Variants in MYOM2 observed in about 807,000 individuals in gnomAD.
MYOM2 encodes the protein myomesin-2.
MYOM2 carries 254 observed loss-of-function variants against 187.6 expected under a neutral mutation model. That is an observed-to-expected ratio of 1.35 (90% CI 1.22 to 1.50). MYOM2 has a LOEUF of 1.50. Among genes scored for constraint, MYOM2 ranks in the 40% most tolerant of loss-of-function variants. The pLI is 0.00. For missense variants in MYOM2, 2,796 were observed against 1,924.0 expected, an observed-to-expected ratio of 1.45 and a Z score of -8.48; for synonymous variants, 981 against 753.8, an observed-to-expected ratio of 1.30 and a Z score of -4.94.
intron 13 of MYOM2, among the ~76,000 whole-genome samples, chr8:2,084,743 G>A (rs1190017690): frequency 6.6e-6 from 1 of 152,168 alleles, no homozygotes; most frequent in African/African-American, 2.4e-5. Flanking sequence ...CTGTGAATAT[G>A]GTACTGAGCT....
intron 13 of MYOM2, among the ~76,000 whole-genome samples, chr8:2,082,713 A>G (rs993768327): frequency 1.3e-5 from 2 of 152,180 alleles, no homozygotes; most frequent in African/African-American, 2.4e-5. Context: ...TTTTTACTCT[A>G]CTGTTCTACT....
intron 19 of MYOM2, chr8:2,100,616 G>T: frequency 2.1e-6 from 1 of 474,746 alleles, no homozygotes; most frequent in South Asian, 3.3e-5. Context: ...TGCTGGTCCC[G>T]AGAATGCAGT....
chr8:2,049,177 C>T (rs1818403819), intron 1 of MYOM2, among the ~76,000 whole-genome samples: 1 of 152,056 alleles, frequency 6.6e-6, no homozygotes, highest in South Asian at 2.1e-4. Context: ...ACGGCTGGGC[C>T]CTCCCAGGGT....
chr8:2,092,736 T>C (rs1283984805), intron 16 of MYOM2, among the ~76,000 whole-genome samples: 2 of 146,506 alleles, frequency 1.4e-5, no homozygotes, highest in Non-Finnish European at 3.0e-5. Context: ...GATTTATTTA[T>C]GGATGAAAGG....
chr8:2,062,887 C>T (rs941549706), intron 6 of MYOM2, among the ~76,000 whole-genome samples: 24 of 152,148 alleles, frequency 1.6e-4, no homozygotes, highest in African/African-American at 5.8e-4. Flanking sequence ...GTTGCGTTGA[C>T]ATCGGTGTTG....
At chr8:2,093,088 G>T (rs1333087889) in intron 16 of MYOM2, among the ~76,000 whole-genome samples, 1 of 152,130 alleles carries the variant, frequency 6.6e-6, no homozygotes, top group African/African-American at 2.4e-5. Context: ...AGGCTTCTCT[G>T]CGATACGCGT....
chr8:2,058,698 G>C (rs1347829367), intron 5 of MYOM2, among the ~76,000 whole-genome samples: 1 of 152,188 alleles, frequency 6.6e-6, no homozygotes, highest in Non-Finnish European at 1.5e-5. Flanking sequence ...AGGCTCGCCT[G>C]CTCTTGATGC....
rs1192804207 is a variant in MYOM2, at chr8:2,086,359, C to A, written c.1644+969C>A. ...CCCACTGTTGTGATCTCTGCGTGGC[C>A]TCCCACTGTTGTGATCTCTGCGTGG... is the stretch of plus-strand genomic sequence containing the variant. On this transcript the variant is annotated intron_variant, in intron 14 of 36. Coordinates refer to ENST00000262113, the MANE Select transcript of MYOM2 (RefSeq NM_003970.4). 7.2e-3 allele frequency among the ~76,000 whole-genome samples: 305 copies of A among 42,104 alleles called. 120 individuals are homozygous for A. The highest frequency in any genetic ancestry group is 0.027 in the African/African-American group (220 of 8,160). The allele number at this position is 42,104 out of a possible 152,430, so 27.6% of individuals were successfully genotyped here.
rs148851201 is a variant in MYOM2, at chr8:2,085,328, G to A, written c.1582G>A (p.Val528Ile). ...TTCCGAGATCAGCAGAAACTATGTCGTCCTCAGCTGGGAGCCACCCACTCC... is the reference window on the plus strand; with the variant it reads ...TTCCGAGATCAGCAGAAACTATGTCATCCTCAGCTGGGAGCCACCCACTCC... ...HASEISRNYV[V>I]LSWEPPTPRG... is the part of the protein sequence containing the mutation. Residue 528 changes from valine to isoleucine, a missense_variant, in exon 14 of 37, where the codon GTC (valine) becomes ATC (isoleucine). By Grantham distance (29) the Val-to-Ile change is conservative (BLOSUM62 3). Transcript: ENST00000262113. 1.8e-4 allele frequency: 288 copies of A among 1,613,886 alleles called. No homozygotes were observed. Among genetic ancestry groups the A allele is most frequent in the Admixed American group, 3.2e-4 (19 of 59,992 alleles).
chr8:2,120,675 T>TATA (rs1220891042), intron 28 of MYOM2, among the ~76,000 whole-genome samples: 956 of 41,424 alleles, frequency 0.023, 108 homozygotes, highest in African/African-American at 0.062. Flanking sequence ...TATATATATA[T>TATA]TATATTATAT....
intron 27 of MYOM2, among the ~76,000 whole-genome samples, chr8:2,116,954 G>GT (rs1797268011): frequency 7.1e-6 from 1 of 140,340 alleles, no homozygotes; most frequent in Non-Finnish European, 1.6e-5. Context: ...AGAGACGGAC[G>GT]GGGTTTCACC....
At chr8:2,103,288 T>A (rs958184358) in intron 21 of MYOM2, among the ~76,000 whole-genome samples, 1 of 151,934 alleles carries the variant, frequency 6.6e-6, no homozygotes, top group African/African-American at 2.4e-5. Context: ...TATATGTGTA[T>A]GTATGTATGG....
intron 32 of MYOM2, among the ~76,000 whole-genome samples, chr8:2,132,156 T>C (rs570368061): frequency 6.6e-6 from 1 of 152,184 alleles, no homozygotes; most frequent in Non-Finnish European, 1.5e-5. Context: ...ACTTTAGCCA[T>C]TTGAGGCTAA....
intron 32 of MYOM2, among the ~76,000 whole-genome samples, chr8:2,138,582 C>G (rs745736710): frequency 6.6e-6 from 1 of 152,210 alleles, no homozygotes; most frequent in Non-Finnish European, 1.5e-5. Context: ...CATTCTAACA[C>G]AGTTTTTAAA....
intron 6 of MYOM2, among the ~76,000 whole-genome samples, chr8:2,068,073 C>T (rs1819076064): frequency 6.6e-6 from 1 of 152,178 alleles, no homozygotes; most frequent in Non-Finnish European, 1.5e-5. Context: ...GATTCTCATC[C>T]CAGGGGCATT....
chr8:2,129,150 G>T lies in MYOM2; in HGVS notation c.3718G>T (p.Val1240Leu). Residue 1240 changes from valine to leucine, a missense_variant, in exon 32 of 37, where the codon GTA (valine) becomes TTA (leucine). Transcript: ENST00000262113. The stretch of plus-strand genomic sequence containing the variant: ...AGGGAAATCTGCTTCGCCACTGAAG[G>T]TACTCTGCACCCCAGAAGGAATACG... ...VCGKSASPLKVLCTPEGIRLQ... is the reference protein window; with the variant it reads ...VCGKSASPLKLLCTPEGIRLQ... 11 of 1,609,660 alleles carry T rather than the reference G, an allele frequency of 6.8e-6. No individual in the cohort carries two copies. The highest frequency in any genetic ancestry group is 9.4e-6 in the Non-Finnish European group (11 of 1,176,224).
rs993712717 is a variant in MYOM2 at position 2,109,521 on chromosome 8, C to G, written c.3170C>G (p.Ser1057Cys). 2 of 1,611,198 alleles carry G rather than the reference C, an allele frequency of 1.2e-6. No individual in the cohort carries two copies. Among genetic ancestry groups the G allele is most frequent in the Admixed American group, 3.4e-5 (2 of 59,448 alleles). The part of the protein sequence containing the change: ...YRFIINDREV[S>C]DSEIHRIKCD... Reference sequence around the variant, plus strand: ...TTTATTATTAACGACAGAGAAGTCTCTGACAGCGAGGTGAGTTCCTGTGTG... The same window carrying G: ...TTTATTATTAACGACAGAGAAGTCTGTGACAGCGAGGTGAGTTCCTGTGTG... Residue 1057 changes from serine to cysteine, a missense_variant, in exon 25 of 37, where the codon TCT (serine) becomes TGT (cysteine). By Grantham distance (112) the Ser-to-Cys change is moderately radical. Transcript: ENST00000262113.
At chr8:2,134,342 A>G (rs1034767459) in intron 32 of MYOM2, among the ~76,000 whole-genome samples, 15 of 152,216 alleles carry the variant, frequency 9.9e-5, no homozygotes, top group Middle Eastern at 6.8e-3. Flanking sequence ...GGTGTTTCCC[A>G]TGATTGGGTT....
At chr8:2,115,495 C>A (rs7001508) in intron 25 of MYOM2, among the ~76,000 whole-genome samples, 4 of 152,202 alleles carry the variant, frequency 2.6e-5, no homozygotes, top group East Asian at 3.9e-4. Context: ...CCCCTGCACC[C>A]TGATGGACCA....
Sources: gnomAD v4.1 joint callset for allele counts (sites outside exome capture counted in the v4.1 genomes callset) on GRCh38, gnomAD v4.1.1 for gene constraint, MANE v1.5 for transcripts, NCBI Gene and HGNC (gene_info 2026-07-23, HGNC 2026-07-21) for gene names.